ADRA1B: variants seen among roughly 807,000 people sequenced by gnomAD.
The protein encoded by ADRA1B is adrenoceptor alpha 1B.
Under a neutral mutation model 17.9 loss-of-function variants are expected in ADRA1B, and 17 were observed. The ratio of observed to expected loss-of-function variants is 0.95; its 90% CI spans 0.65 to 1.42. The LOEUF is 1.42. ADRA1B is among the 40% of genes most tolerant of loss of function. ADRA1B has a pLI of 0.00. For missense variants in ADRA1B, 681 were observed against 722.1 expected, an observed-to-expected ratio of 0.94 and a Z score of 0.65; for synonymous variants, 366 against 327.6, an observed-to-expected ratio of 1.12 and a Z score of -1.27.
At chr5:159,950,616 A>G in intron 1 of ADRA1B, 1 of 897,542 alleles carries the variant, frequency 1.1e-6, no homozygotes, top group South Asian at 1.3e-5. Flanking sequence ...CCCCAGCATC[A>G]AAGGTGGAGG....
intron 1 of ADRA1B, among the ~76,000 whole-genome samples, chr5:159,883,410 C>T (rs1222503042): frequency 6.6e-6 from 1 of 152,182 alleles, no homozygotes; most frequent in African/African-American, 2.4e-5. Flanking sequence ...CAAAATTACC[C>T]CTTCTCTAAC....
At chr5:159,911,610 A>G (rs1754228656), upstream of ADRA1B, among the ~76,000 whole-genome samples, 1 of 152,170 alleles carries the variant, frequency 6.6e-6, no homozygotes, top group African/African-American at 2.4e-5. Context: ...GGTTGGGGGA[A>G]TGCATGCTCA....
chr5:159,935,631 C>G (rs1173787299), intron 1 of ADRA1B, among the ~76,000 whole-genome samples: 4 of 152,170 alleles, frequency 2.6e-5, no homozygotes, highest in African/African-American at 9.7e-5. Flanking sequence ...ACTGCAATCT[C>G]CACCTCCTGG....
intron 1 of ADRA1B, among the ~76,000 whole-genome samples, chr5:159,935,896 C>A (rs1409464796): frequency 6.6e-6 from 1 of 152,156 alleles, no homozygotes; most frequent in Non-Finnish European, 1.5e-5. Context: ...AAATAGTGGT[C>A]GAGACTGAGG....
intron 1 of ADRA1B, among the ~76,000 whole-genome samples, chr5:159,928,656 A>T (rs1224960066): frequency 6.6e-6 from 1 of 152,126 alleles, no homozygotes; most frequent in Non-Finnish European, 1.5e-5. Flanking sequence ...GAATTTTTTG[A>T]AATTCTTCAA....
intron 1 of ADRA1B, among the ~76,000 whole-genome samples, chr5:159,937,168 T>C (rs999134765): frequency 4.6e-5 from 7 of 152,254 alleles, no homozygotes; most frequent in African/African-American, 1.7e-4. Flanking sequence ...GTGTATTTCC[T>C]GTTTTCCCAC....
intron 1 of ADRA1B, among the ~76,000 whole-genome samples, chr5:159,943,517 C>A (rs1284669441): frequency 6.6e-6 from 1 of 152,090 alleles, no homozygotes; most frequent in African/African-American, 2.4e-5. Context: ...ACAGCTCCAA[C>A]CTGATTAAAG....
the ADRA1B span, among the ~76,000 whole-genome samples, chr5:159,982,546 A>G: frequency 6.6e-6 from 1 of 152,170 alleles, no homozygotes; most frequent in Admixed American, 6.5e-5. Flanking sequence ...AGAAAAGTCA[A>G]GGTAATTAGT....
At chr5:159,884,238 T>C (rs1176565114) in intron 1 of ADRA1B, among the ~76,000 whole-genome samples, 2 of 152,226 alleles carry the variant, frequency 1.3e-5, no homozygotes, top group Non-Finnish European at 2.9e-5. Context: ...TGCTATTATG[T>C]TTGGGGTTGT....
At chr5:159,918,780 G>C (rs955853258) in intron 1 of ADRA1B, among the ~76,000 whole-genome samples, 4 of 152,194 alleles carry the variant, frequency 2.6e-5, no homozygotes, top group Admixed American at 2.6e-4. Context: ...CTAAAGGGGG[G>C]CATCTGTCAC....
intron 1 of ADRA1B, among the ~76,000 whole-genome samples, chr5:159,939,365 A>C (rs927653759): frequency 2.0e-5 from 3 of 150,408 alleles, no homozygotes; most frequent in African/African-American, 4.9e-5. Context: ...AGTTCAGCCC[A>C]AGGTAAATTG....
chr5:159,981,565 G>A, the ADRA1B span, among the ~76,000 whole-genome samples: 2 of 152,080 alleles, frequency 1.3e-5, no homozygotes, highest in African/African-American at 4.8e-5. Flanking sequence ...ACGCGATCTC[G>A]GCTCACTGCA....
intron 1 of ADRA1B, among the ~76,000 whole-genome samples, chr5:159,867,500 T>A (rs142372029): frequency 6.6e-6 from 1 of 152,280 alleles, no homozygotes; most frequent in Non-Finnish European, 1.5e-5. Context: ...CATATTTTCC[T>A]CTCCCTTTCT....
At chr5:159,884,392 G>T (rs934902073) in intron 1 of ADRA1B, among the ~76,000 whole-genome samples, 4 of 152,096 alleles carry the variant, frequency 2.6e-5, no homozygotes, top group African/African-American at 9.7e-5. Flanking sequence ...CCAGGAAGTG[G>T]GTTTGTTATT....
chr5:159,946,617 T>C (rs1362698489), intron 1 of ADRA1B, among the ~76,000 whole-genome samples: 1 of 152,254 alleles, frequency 6.6e-6, no homozygotes, highest in African/African-American at 2.4e-5. Context: ...GTTGCATGCC[T>C]TCTGCAATCA....
At chr5:159,907,325 C>T (rs374402225) in intron 1 of ADRA1B, among the ~76,000 whole-genome samples, 6 of 152,284 alleles carry the variant, frequency 3.9e-5, no homozygotes, top group East Asian at 3.9e-4. Flanking sequence ...GAAGTTGCCT[C>T]TCAAAGGCCA....
chr5:159,954,014 G>A (rs939008232), intron 1 of ADRA1B, among the ~76,000 whole-genome samples: 8 of 152,114 alleles, frequency 5.3e-5, no homozygotes, highest in South Asian at 2.1e-4. Flanking sequence ...AGAAATGCTC[G>A]CCTGAAAAGA....
At chr5:159,946,590 C>A (rs1755280082) in intron 1 of ADRA1B, among the ~76,000 whole-genome samples, 1 of 152,224 alleles carries the variant, frequency 6.6e-6, no homozygotes, top group South Asian at 2.1e-4. Context: ...CTCATGACCT[C>A]TTTTTCTAAA....
chr5:159,872,419 C>G (rs1753755793), intron 1 of ADRA1B, among the ~76,000 whole-genome samples: 1 of 152,136 alleles, frequency 6.6e-6, no homozygotes, highest in South Asian at 2.1e-4. Context: ...GATAAGATCC[C>G]TGTGATACAG....
Sources: gnomAD v4.1 joint callset for allele counts (sites outside exome capture counted in the v4.1 genomes callset) on GRCh38, gnomAD v4.1.1 for gene constraint, MANE v1.5 for transcripts, NCBI Gene and HGNC (gene_info 2026-07-23, HGNC 2026-07-21) for gene names.